Variants in KCNJ15 observed in about 807,000 individuals in gnomAD.
The protein encoded by KCNJ15 is ATP-sensitive inward rectifier potassium channel 15.
Under a neutral mutation model 23.0 loss-of-function variants are expected in KCNJ15, and 14 were observed. The ratio of observed to expected loss-of-function variants is 0.61; its 90% CI spans 0.40 to 0.95. The LOEUF (loss-of-function observed/expected upper bound fraction) is 0.95, where lower values mean the gene tolerates loss of function less well. Ranked by LOEUF, KCNJ15 falls within the 40% of genes least tolerant of loss-of-function variation. KCNJ15 has a pLI of 0.00. For missense variants in KCNJ15, 388 were observed against 461.8 expected (o/e 0.84, Z 1.46); for synonymous variants, 185 against 183.2 (o/e 1.01, Z -0.08).
chr21:38,280,745 T>G (rs1194643078), intron 1 of KCNJ15, among the ~76,000 whole-genome samples: 4 of 152,186 alleles, frequency 2.6e-5, no homozygotes, highest in African/African-American at 9.7e-5. Context: ...CTAGTGGCTT[T>G]GAACTTTCTC....
At chr21:38,264,835 A>G (rs1016854108) in intron 1 of KCNJ15, among the ~76,000 whole-genome samples, 1 of 152,234 alleles carries the variant, frequency 6.6e-6, no homozygotes, top group Admixed American at 6.5e-5. Flanking sequence ...TGCTTAAGAT[A>G]TAGAAGTTGT....
At chr21:38,236,310 TG>T (rs1978597630) in intron 1 of KCNJ15, among the ~76,000 whole-genome samples, 1 of 152,244 alleles carries the variant, frequency 6.6e-6, no homozygotes, top group South Asian at 2.1e-4. Flanking sequence ...ACAAAAGCTT[TG>T]GACAAATGAA....
intron 1 of KCNJ15, among the ~76,000 whole-genome samples, chr21:38,243,640 T>A (rs916333144): frequency 6.6e-6 from 1 of 152,166 alleles, no homozygotes; most frequent in Non-Finnish European, 1.5e-5. Flanking sequence ...CAGGCTGGTC[T>A]CGAGCTCCTG....
chr21:38,294,100 C>A (rs1056863512), intron 1 of KCNJ15, among the ~76,000 whole-genome samples: 8 of 152,306 alleles, frequency 5.3e-5, no homozygotes, highest in Middle Eastern at 3.4e-3. Context: ...GCTCAGTGAA[C>A]CCCAAGTAGA....
At chr21:38,230,928 A>G (rs1243965520) in intron 1 of KCNJ15, among the ~76,000 whole-genome samples, 1 of 152,104 alleles carries the variant, frequency 6.6e-6, no homozygotes, top group Non-Finnish European at 1.5e-5. Flanking sequence ...TATACATTCT[A>G]GAATCACCAT....
chr21:38,233,476 A>T (rs1004416663), intron 1 of KCNJ15, among the ~76,000 whole-genome samples: 4 of 152,072 alleles, frequency 2.6e-5, no homozygotes, highest in Non-Finnish European at 5.9e-5. Flanking sequence ...TTTGCTTTCT[A>T]TATGTCTCAT....
intron 1 of KCNJ15, among the ~76,000 whole-genome samples, chr21:38,234,610 A>T (rs7276107): frequency 0.46 from 70,125 of 152,048 alleles, 16,977 homozygotes; most frequent in East Asian, 0.86. Flanking sequence ...CCTTTTATGA[A>T]CAGGACAGCA....
At chr21:38,286,008 C>G (rs1983847756) in intron 1 of KCNJ15, among the ~76,000 whole-genome samples, 1 of 152,134 alleles carries the variant, frequency 6.6e-6, no homozygotes, top group African/African-American at 2.4e-5. Context: ...CTTTGGGAGG[C>G]CGAGGCGGGC....
chr21:38,251,097 G>A (rs763158518), intron 1 of KCNJ15, among the ~76,000 whole-genome samples: 14 of 152,296 alleles, frequency 9.2e-5, no homozygotes, highest in African/African-American at 2.9e-4. Flanking sequence ...ATGATCCGGC[G>A]AGGCTTTCAA....
At chr21:38,249,087 C>G (rs1380037875) in intron 1 of KCNJ15, among the ~76,000 whole-genome samples, 1 of 152,076 alleles carries the variant, frequency 6.6e-6, no homozygotes, top group Non-Finnish European at 1.5e-5. Context: ...GGACTTTACT[C>G]CTTGCCAGAA....
intron 1 of KCNJ15, among the ~76,000 whole-genome samples, chr21:38,263,902 C>CAT (rs1981190063): frequency 6.6e-6 from 1 of 151,582 alleles, no homozygotes; most frequent in East Asian, 1.9e-4. Context: ...TACAAAGATA[C>CAT]ATACACACAC....
chr21:38,264,281 A>G (rs1981230900), intron 1 of KCNJ15, among the ~76,000 whole-genome samples: 1 of 152,118 alleles, frequency 6.6e-6, no homozygotes, highest in Non-Finnish European at 1.5e-5. Flanking sequence ...GAGATTGTAA[A>G]CTTTCTTCAT....
chr21:38,275,519 CAAAAAAAAAAA>C (rs10709944), intron 1 of KCNJ15, among the ~76,000 whole-genome samples: 3 of 88,120 alleles, frequency 3.4e-5, no homozygotes, highest in Admixed American at 1.3e-4. Flanking sequence ...GAAACTCCGT[CAAAAAAAAAAA>C]AAAAAAAAAA....
intron 1 of KCNJ15, among the ~76,000 whole-genome samples, chr21:38,257,541 A>G (rs1477021291): frequency 6.6e-6 from 1 of 152,232 alleles, no homozygotes; most frequent in Non-Finnish European, 1.5e-5. Context: ...TTCAGCGATT[A>G]CATAGTTCTT....
intron 1 of KCNJ15, among the ~76,000 whole-genome samples, chr21:38,230,212 T>C (rs1285641182): frequency 2.6e-5 from 4 of 152,218 alleles, no homozygotes; most frequent in African/African-American, 9.6e-5. Context: ...TTTTTCATTA[T>C]AACTATCCTT....
chr21:38,304,278 G>T lies in KCNJ15; in HGVS notation c.*3889G>T. 7.8e-6 allele frequency: 1 copy of T among 128,520 alleles called. No homozygotes were observed. Among genetic ancestry groups the T allele is most frequent in the South Asian group, 2.5e-4 (1 of 4,032 alleles). The allele number at this position is 128,520 out of a possible 1,614,324, so 8.0% of individuals were successfully genotyped here. ...CCCCCACCCCACAACAGTCCCCGGT[G>T]TGTGATGTTCCCCTTCCTGTGTCCA... On this transcript the variant is annotated 3_prime_UTR_variant, in exon 3 of 3. Transcript: ENST00000398938.
intron 1 of KCNJ15, among the ~76,000 whole-genome samples, chr21:38,250,225 G>T (rs1160430770): frequency 6.6e-6 from 1 of 152,190 alleles, no homozygotes; most frequent in African/African-American, 2.4e-5. Flanking sequence ...CCCAAGATGA[G>T]ACCTGGGACT....
chr21:38,240,573 T>C (rs1454515162), intron 1 of KCNJ15, among the ~76,000 whole-genome samples: 2 of 152,228 alleles, frequency 1.3e-5, no homozygotes, highest in Non-Finnish European at 2.9e-5. Context: ...TCCATTATGT[T>C]ACAGGGAAGC....
chr21:38,289,594 G>A (rs1441712749), intron 1 of KCNJ15, among the ~76,000 whole-genome samples: 2 of 152,084 alleles, frequency 1.3e-5, no homozygotes, highest in African/African-American at 4.8e-5. Flanking sequence ...TTAGCTGGGT[G>A]TGGTGGTGCA....
Sources: allele counts gnomAD v4.1 joint callset (sites outside exome capture counted in the v4.1 genomes callset), GRCh38; gene constraint gnomAD v4.1.1; transcripts MANE v1.5; gene names NCBI Gene and HGNC (gene_info 2026-07-23, HGNC 2026-07-21).